The following DYNC2I1 variants were observed in gnomAD, a reference collection of about 807,000 sequenced individuals.
DYNC2I1 encodes cytoplasmic dynein 2 intermediate chain 1.
Under a neutral mutation model 133.4 loss-of-function variants are expected in DYNC2I1, and 89 were observed. The ratio of observed to expected loss-of-function variants is 0.67; its 90% CI spans 0.56 to 0.80. The LOEUF (loss-of-function observed/expected upper bound fraction) is 0.80. Ranked by LOEUF, DYNC2I1 falls within the 30% of genes least tolerant of loss-of-function variation. DYNC2I1 has a pLI of 0.00. For missense variants in DYNC2I1, 1,291 were observed against 1,314.5 expected, an observed-to-expected ratio of 0.98 and a Z score of 0.28; for synonymous variants, 504 against 484.3, an observed-to-expected ratio of 1.04 and a Z score of -0.54.
intron 5 of DYNC2I1, among the ~76,000 whole-genome samples, chr7:158,880,303 G>C (rs1050043135): frequency 6.6e-6 from 1 of 152,154 alleles, no homozygotes; most frequent in African/African-American, 2.4e-5. Context: ...TTGGGAGGCC[G>C]AGGTGGGTGG....
At chr7:158,867,226 CCT>C (rs1308455552) in intron 1 of DYNC2I1, among the ~76,000 whole-genome samples, 2 of 151,728 alleles carry the variant, frequency 1.3e-5, no homozygotes, top group Non-Finnish European at 2.9e-5. Flanking sequence ...GGGGTTGTAC[CCT>C]GTGTTGTTGG....
At chr7:158,950,386 C>T (rs1030600033), downstream of DYNC2I1, among the ~76,000 whole-genome samples, 7 of 149,830 alleles carry the variant, frequency 4.7e-5, no homozygotes, top group East Asian at 4.0e-4. Context: ...GTGTGAGCAC[C>T]AGGACCAGCC....
intron 3 of DYNC2I1, among the ~76,000 whole-genome samples, chr7:158,874,598 A>G (rs1217120793): frequency 1.3e-5 from 2 of 152,052 alleles, no homozygotes; most frequent in East Asian, 1.9e-4. Context: ...TCCTCTGTAC[A>G]TCTCTTCTCA....
intron 1 of DYNC2I1, among the ~76,000 whole-genome samples, chr7:158,861,515 C>G (rs550117724): frequency 2.0e-5 from 3 of 152,212 alleles, no homozygotes; most frequent in African/African-American, 7.2e-5. Flanking sequence ...TCCCCCTCCC[C>G]ACACTTCTCA....
rs1850647731 is a variant in DYNC2I1 at position 158,935,374 on chromosome 7, T to C, written c.2778+825T>C. 1.3e-5 allele frequency among the ~76,000 whole-genome samples: 2 copies of C among 152,210 alleles called. 1 individual carries two copies. Among genetic ancestry groups the C allele is most frequent in the South Asian group, 4.1e-4 (2 of 4,830 alleles). On this transcript the variant is annotated intron_variant, in intron 23 of 24. Transcript: ENST00000407559. ...TAAGATAGGACAGAAGGCAAAATAT[T>C]AAACAACTTTATACGTGATTAAATG...
chr7:158,892,415 T>C (rs887099499), intron 8 of DYNC2I1, among the ~76,000 whole-genome samples: 1 of 152,146 alleles, frequency 6.6e-6, no homozygotes, highest in African/African-American at 2.4e-5. Flanking sequence ...GAGGACCTTA[T>C]TTATTTTTAT....
chr7:158,907,738 A>G (rs1846990466), intron 11 of DYNC2I1, among the ~76,000 whole-genome samples: 1 of 152,004 alleles, frequency 6.6e-6, no homozygotes, highest in South Asian at 2.1e-4. Context: ...CCTCCTGAGT[A>G]GCTGGGATTA....
At chr7:158,907,273 CTTTTTTTTTTTT>C (rs36062364) in intron 11 of DYNC2I1, among the ~76,000 whole-genome samples, 201 of 99,728 alleles carry the variant, frequency 2.0e-3, no homozygotes, top group Non-Finnish European at 3.3e-3. Flanking sequence ...CCATGGCCTT[CTTTTTTTTTTTT>C]TTTTTTTTTT....
chr7:158,956,973 C>T (rs1343428723), downstream of DYNC2I1, among the ~76,000 whole-genome samples: 3 of 152,010 alleles, frequency 2.0e-5, no homozygotes, highest in Admixed American at 6.5e-5. Context: ...CACCCGGCAT[C>T]GGGCTCCTTG....
intron 17 of DYNC2I1, 42 bp downstream of exon 17, chr7:158,923,775 G>A: frequency 6.3e-7 from 1 of 1,580,366 alleles, no homozygotes; most frequent in Non-Finnish European, 8.6e-7. Context: ...TGCTAGAAAA[G>A]CCACACGGAT....
chr7:158,901,604 GT>G lies in DYNC2I1; in HGVS notation c.1060-131del, dbSNP rs1846267403. 60 of 628,450 alleles carry G rather than the reference GT, an allele frequency of 9.5e-5. No individual in the cohort carries two copies. In the South Asian group the frequency reaches 1.2e-3, roughly 12 times the overall value. The allele number at this position is 628,450 out of a possible 1,614,324, so 38.9% of individuals were successfully genotyped here. A position where few individuals can be genotyped will look rare whatever the true frequency, so the allele number is the denominator to read the frequency against. ...CTTAAAGGAATTTAACATTATATTA[GT>G]TTTACAAATACCTAGAGTTTAAAAT... On this transcript the variant is annotated intron_variant, in intron 8 of 24. Transcript: ENST00000407559.
chr7:158,910,606 G>T (rs1156674641), intron 11 of DYNC2I1, among the ~76,000 whole-genome samples: 2 of 151,672 alleles, frequency 1.3e-5, no homozygotes, highest in Non-Finnish European at 2.9e-5. Flanking sequence ...TGTCAGGCCT[G>T]TGGGCCGAGG....
chr7:158,901,652 A>G (rs1846271882), intron 8 of DYNC2I1, 87 bp from the exon 9 acceptor site: 1 of 831,202 alleles, frequency 1.2e-6, no homozygotes, highest in Non-Finnish European at 1.9e-6. Context: ...AAGGAATGTC[A>G]GAAAACATAT....
intron 4 of DYNC2I1, among the ~76,000 whole-genome samples, chr7:158,877,888 C>T (rs752398202): frequency 7.2e-5 from 11 of 152,206 alleles, no homozygotes; most frequent in Non-Finnish European, 1.3e-4. Context: ...TCATACTCAC[C>T]GGAGAAGGCA....
At chr7:158,892,050 C>T (rs1006126046) in intron 8 of DYNC2I1, among the ~76,000 whole-genome samples, 5 of 152,148 alleles carry the variant, frequency 3.3e-5, no homozygotes, top group East Asian at 1.9e-4. Flanking sequence ...CTCAGGGGTG[C>T]GTGCCCCAGT....
At chr7:158,927,119 C>A in intron 20 of DYNC2I1, 76 bp downstream of exon 20, 1 of 1,081,808 alleles carries the variant, frequency 9.2e-7, no homozygotes, top group South Asian at 1.5e-5. Context: ...TAACTGCGGT[C>A]AGGTGCAGTG....
intron 21 of DYNC2I1, among the ~76,000 whole-genome samples, chr7:158,931,196 G>T (rs1032286408): frequency 2.0e-5 from 3 of 152,100 alleles, no homozygotes; most frequent in Admixed American, 6.5e-5. Context: ...AACTTAATAT[G>T]ACATAAAAAG....
intron 1 of DYNC2I1, among the ~76,000 whole-genome samples, chr7:158,869,153 G>A (rs1479276840): frequency 1.3e-5 from 2 of 152,182 alleles, no homozygotes; most frequent in African/African-American, 2.4e-5. Flanking sequence ...TCACGCACCT[G>A]CCCTGGTGCT....
chr7:158,937,272 C>T (rs921136304), intron 23 of DYNC2I1, among the ~76,000 whole-genome samples: 3 of 152,184 alleles, frequency 2.0e-5, no homozygotes, highest in Admixed American at 6.5e-5. Context: ...TATAGGCTGT[C>T]AGCAGCAGAG....
Sources: allele counts gnomAD v4.1 joint callset (sites outside exome capture counted in the v4.1 genomes callset), GRCh38; gene constraint gnomAD v4.1.1; transcripts MANE v1.5; gene names NCBI Gene and HGNC (gene_info 2026-07-23, HGNC 2026-07-21).